The following MLLT10 variants were observed in gnomAD, a reference collection of about 807,000 sequenced individuals.
MLLT10 encodes MLLT10 histone lysine methyltransferase DOT1L cofactor.
Under a neutral mutation model 129.1 loss-of-function variants are expected in MLLT10, and 30 were observed. The ratio of observed to expected loss-of-function variants is 0.23; its 90% CI spans 0.17 to 0.32. The LOEUF is 0.32. Ranked by LOEUF, MLLT10 falls within the 10% of genes least tolerant of loss-of-function variation. The pLI, the probability that MLLT10 is intolerant of heterozygous loss-of-function variation, is 1.00. For synonymous variants in MLLT10, 490 were observed against 446.4 expected, an observed-to-expected ratio of 1.10 and a Z score of -1.23; for missense variants, 1,119 against 1,268.3, an observed-to-expected ratio of 0.88 and a Z score of 1.79.
At chr10:21,629,059 C>T (rs1191363029) in intron 8 of MLLT10, among the ~76,000 whole-genome samples, 2 of 151,626 alleles carry the variant, frequency 1.3e-5, no homozygotes, top group South Asian at 4.2e-4. Context: ...AGGATATTCT[C>T]TAAGATGACT....
Position 21,641,184 on chromosome 10 carries a change from A to C in MLLT10, c.700-10489A>C, listed in dbSNP as rs1382526184. ...TGAGTTTGGCGAATAGGCTGTCTCT[A>C]CCTCATTTTAGCCCATTCTTGTTAA... On this transcript the variant is annotated intron_variant, in intron 8 of 22. Transcript: ENST00000307729. 2.0e-5 allele frequency among the ~76,000 whole-genome samples: 3 copies of C among 152,296 alleles called. No individual in the cohort carries two copies. In the East Asian group the frequency reaches 5.8e-4, roughly 29 times the overall value.
intron 5 of MLLT10, among the ~76,000 whole-genome samples, chr10:21,603,600 T>G (rs754714387): frequency 1.3e-5 from 2 of 152,062 alleles, no homozygotes; most frequent in African/African-American, 2.4e-5. Context: ...CATGACCAGC[T>G]CATAGCCAAT....
intron 13 of MLLT10, among the ~76,000 whole-genome samples, chr10:21,693,524 G>A (rs1469380094): frequency 6.6e-6 from 1 of 150,664 alleles, no homozygotes; most frequent in East Asian, 1.9e-4. Flanking sequence ...CTATTTGTGC[G>A]CCTACCCCTG....
intron 8 of MLLT10, among the ~76,000 whole-genome samples, chr10:21,645,831 T>C (rs936147743): frequency 6.6e-6 from 1 of 152,200 alleles, no homozygotes; most frequent in African/African-American, 2.4e-5. Flanking sequence ...CTTTAAATAG[T>C]CCTATACCTG....
intron 5 of MLLT10, among the ~76,000 whole-genome samples, chr10:21,605,982 C>T (rs956389260): frequency 2.0e-5 from 3 of 151,962 alleles, no homozygotes; most frequent in Admixed American, 6.6e-5. Context: ...GCAAGTCTAT[C>T]GGTTTCATTT....
intron 13 of MLLT10, among the ~76,000 whole-genome samples, chr10:21,690,651 C>T (rs1388469024): frequency 2.0e-5 from 3 of 151,532 alleles, no homozygotes; most frequent in African/African-American, 4.8e-5. Flanking sequence ...TTTTTTTGTC[C>T]GAAATACCTC....
chr10:21,619,336 G>A (rs569149854), intron 8 of MLLT10, among the ~76,000 whole-genome samples: 3 of 152,086 alleles, frequency 2.0e-5, no homozygotes, highest in Non-Finnish European at 4.4e-5. Flanking sequence ...ATGGTCTTCT[G>A]TTCTGCCATT....
intron 8 of MLLT10, chr10:21,624,734 C>T (rs756338434): frequency 3.0e-5 from 39 of 1,279,112 alleles, no homozygotes; most frequent in African/African-American, 5.9e-5. Context: ...GTTGGTCTGA[C>T]GATGCTTGGA....
intron 8 of MLLT10, chr10:21,625,106 A>G: frequency 1.1e-6 from 1 of 923,158 alleles, no homozygotes; most frequent in Non-Finnish European, 1.8e-6. Context: ...GAGGTTAGCC[A>G]TATCCACCTC....
chr10:21,650,363 A>G (rs1246136412), intron 8 of MLLT10, among the ~76,000 whole-genome samples: 3 of 152,130 alleles, frequency 2.0e-5, no homozygotes, highest in Non-Finnish European at 4.4e-5. Context: ...AAAGAAAAGA[A>G]AAGAGTATTA....
intron 3 of MLLT10, among the ~76,000 whole-genome samples, chr10:21,562,689 C>A (rs1248400732): frequency 6.6e-6 from 1 of 151,718 alleles, no homozygotes; most frequent in East Asian, 1.9e-4. Context: ...GTATTACAAT[C>A]CAAGAACGTG....
chr10:21,567,998 A>G (rs2039784540), intron 3 of MLLT10, among the ~76,000 whole-genome samples: 1 of 151,814 alleles, frequency 6.6e-6, no homozygotes, highest in East Asian at 1.9e-4. Flanking sequence ...TTTTATTTTT[A>G]GTAGAGATGG....
chr10:21,581,058 T>C (rs1369654831), intron 3 of MLLT10, among the ~76,000 whole-genome samples: 1 of 150,172 alleles, frequency 6.7e-6, no homozygotes, highest in East Asian at 2.0e-4. Context: ...TTTTTTTTTT[T>C]TTTTTGAGAC....
chr10:21,552,907 C>G (rs1040246092), intron 3 of MLLT10, among the ~76,000 whole-genome samples: 1 of 151,834 alleles, frequency 6.6e-6, no homozygotes, highest in Non-Finnish European at 1.5e-5. Flanking sequence ...TTTCCCTTGT[C>G]TTTCCTCCCC....
intron 8 of MLLT10, chr10:21,626,096 T>G: frequency 6.2e-7 from 1 of 1,607,360 alleles, no homozygotes; most frequent in African/African-American, 1.3e-5. Context: ...TGTGGACTCT[T>G]GCACCTAGCT....
At chr10:21,646,462 T>C (rs1813424409) in intron 8 of MLLT10, among the ~76,000 whole-genome samples, 1 of 152,126 alleles carries the variant, frequency 6.6e-6, no homozygotes, top group African/African-American at 2.4e-5. Flanking sequence ...TTACCTACTT[T>C]CTTTAAATTT....
At chr10:21,664,352 CCT>C (rs2050528857) in intron 9 of MLLT10, among the ~76,000 whole-genome samples, 1 of 149,836 alleles carries the variant, frequency 6.7e-6, no homozygotes, top group East Asian at 1.9e-4. Flanking sequence ...ATAGAGTCTC[CCT>C]CTGTCCTGGA....
chr10:21,581,274 C>T lies in MLLT10; in HGVS notation c.241-5020C>T, dbSNP rs968056760. 3.3e-5 allele frequency among the ~76,000 whole-genome samples: 5 copies of T among 152,100 alleles called. No individual in the cohort carries two copies. In the East Asian group the frequency reaches 9.7e-4, roughly 29 times the overall value. On this transcript the variant is annotated intron_variant, in intron 3 of 22. Coordinates refer to ENST00000307729, the MANE Select transcript of MLLT10 (RefSeq NM_001195626.3). Reference sequence around the variant, plus strand: ...GTGTTAGCCAGGATGGTCTCGATCTCCTGACCTCGTGATTGCCTGCCTCGG... The same window carrying T: ...GTGTTAGCCAGGATGGTCTCGATCTTCTGACCTCGTGATTGCCTGCCTCGG...
intron 16 of MLLT10, 69 bp downstream of exon 16, chr10:21,727,997 A>C (rs1412977330): frequency 1.6e-4 from 206 of 1,267,332 alleles, no homozygotes; most frequent in Non-Finnish European, 2.2e-4. Flanking sequence ...TTCTTATCTC[A>C]TATCAGTAGA....
Sources: allele counts gnomAD v4.1 joint callset (sites outside exome capture counted in the v4.1 genomes callset), GRCh38; gene constraint gnomAD v4.1.1; transcripts MANE v1.5; gene names NCBI Gene and HGNC (gene_info 2026-07-23, HGNC 2026-07-21).